The following HSP90AA1 variants were observed in gnomAD, a reference collection of about 807,000 sequenced individuals.
The protein encoded by HSP90AA1 is heat shock protein HSP 90-alpha.
A neutral mutation model predicts 73.3 loss-of-function variants in HSP90AA1; 18 were observed. The observed-to-expected ratio is 0.25, with a 90% CI of 0.17 to 0.36. The LOEUF is 0.36. Ranked by LOEUF, HSP90AA1 falls within the 10% of genes least tolerant of loss-of-function variation. The pLI is 1.00. For missense variants in HSP90AA1, 704 were observed against 874.2 expected (o/e 0.81, Z 2.45); for synonymous variants, 477 against 296.9 (o/e 1.61, Z -6.24).
In HSP90AA1 at chr14:102,104,793, C is replaced by CT. The variant is rs567616781; in HGVS notation, c.156-2709dup. ...ATAACCATCATTCTACTCTCTACCT[C>CT]TTTTTTAGCTCTCACATATGAGTGA... On this transcript the variant is annotated intron_variant, in intron 1 of 11. Coordinates refer to the HSP90AA1 transcript ENST00000334701. Among the ~76,000 whole-genome samples the CT allele has an allele frequency of 3.8e-3, 584 of 152,100 alleles. 11 individuals are homozygous for CT. Among genetic ancestry groups the CT allele is most frequent in the Non-Finnish European group, 2.9e-3 (198 of 67,998 alleles).
At chr14:102,082,634 T>C (rs1203366986) in intron 9 of HSP90AA1, 190 bp from the exon 10 acceptor site, 2 of 616,336 alleles carry the variant, frequency 3.2e-6, no homozygotes, top group East Asian at 2.8e-5. Context: ...CACAATTTTT[T>C]TTTTGAGATA....
chr14:102,126,529 T>C (rs1178746442), intron 1 of HSP90AA1, among the ~76,000 whole-genome samples: 2 of 152,118 alleles, frequency 1.3e-5, no homozygotes, highest in Non-Finnish European at 1.5e-5. Context: ...TAGATTCTTT[T>C]TTTTTTTCTT....
At chr14:102,132,435 T>G (rs1034811368) in intron 1 of HSP90AA1, among the ~76,000 whole-genome samples, 2 of 152,088 alleles carry the variant, frequency 1.3e-5, no homozygotes, top group Non-Finnish European at 2.9e-5. Flanking sequence ...TAGTCCCAGC[T>G]ACTCAGGAGG....
At chr14:102,106,719 T>C (rs982430649) in intron 1 of HSP90AA1, among the ~76,000 whole-genome samples, 1 of 151,982 alleles carries the variant, frequency 6.6e-6, no homozygotes, top group African/African-American at 2.4e-5. Context: ...GAGTTTTGTA[T>C]TTTTAGTAAA....
At chr14:102,132,988 G>A (rs1390724242) in intron 1 of HSP90AA1, among the ~76,000 whole-genome samples, 17 of 148,614 alleles carry the variant, frequency 1.1e-4, no homozygotes, top group East Asian at 8.2e-4. Context: ...GGGAGCCGGC[G>A]GTGGGGGCGG....
At chr14:102,084,209 G>T (rs1415023360) in intron 6 of HSP90AA1, 190 bp downstream of exon 6, 2 of 678,564 alleles carry the variant, frequency 2.9e-6, no homozygotes, top group East Asian at 2.7e-5. Context: ...ACTACATGGG[G>T]CTAATTTTTG....
chr14:102,083,543 T>C lies in HSP90AA1; in HGVS notation c.1486+3A>G, dbSNP rs770713637. 9 of 1,613,356 alleles carry C rather than the reference T, an allele frequency of 5.6e-6. No homozygotes were observed. The highest frequency in any genetic ancestry group is 4.5e-5 in the East Asian group (2 of 44,872). ...GTATGACTGTAACATAGTGTTCTCTTACCTGTGATATAATAGATATGTTTC... is the reference window on the plus strand; with the variant it reads ...GTATGACTGTAACATAGTGTTCTCTCACCTGTGATATAATAGATATGTTTC... On this transcript the variant is annotated splice_donor_region_variant and intron_variant, in intron 8 of 10. Coordinates refer to ENST00000216281, the MANE Select transcript of HSP90AA1 (RefSeq NM_005348.4).
chr14:102,086,999 C>G lies in HSP90AA1; in HGVS notation c.-14G>C, dbSNP rs2049258798. 1 of 985,194 alleles carries G rather than the reference C, an allele frequency of 1.0e-6. No homozygotes were observed. The highest frequency in any genetic ancestry group is 1.2e-6 in the Non-Finnish European group (1 of 829,998). 61.0% of individuals were successfully genotyped at this position (985,194 alleles called of 1,614,324 possible). A position where few individuals can be genotyped will look rare whatever the true frequency, so the allele number is the denominator to read the frequency against. ...ACCACCCGTCACCTTGGCTAAGTGACCGCACAGGACCAACGGCACAGCCAC... is the reference window on the plus strand; with the variant it reads ...ACCACCCGTCACCTTGGCTAAGTGAGCGCACAGGACCAACGGCACAGCCAC... On this transcript the variant is annotated 5_prime_UTR_variant, in exon 1 of 11. Coordinates refer to ENST00000216281, the MANE Select transcript of HSP90AA1 (RefSeq NM_005348.4).
At chr14:102,083,389 T>TA in intron 8 of HSP90AA1, 87 bp from the exon 9 acceptor site, 1 of 1,496,842 alleles carries the variant, frequency 6.7e-7, no homozygotes, top group Non-Finnish European at 9.3e-7. Flanking sequence ...GCCAGATACC[T>TA]AGGCAGAACC....
At chr14:102,124,170 T>G (rs1210870726) in intron 1 of HSP90AA1, among the ~76,000 whole-genome samples, 2 of 151,390 alleles carry the variant, frequency 1.3e-5, no homozygotes, top group East Asian at 3.9e-4. Context: ...GTAGAGACAG[T>G]TATTGATGTT....
chr14:102,093,788 C>A (rs748540015), intron 2 of HSP90AA1, among the ~76,000 whole-genome samples: 1 of 152,048 alleles, frequency 6.6e-6, no homozygotes, highest in Non-Finnish European at 1.5e-5. Context: ...GCCTGGCCAA[C>A]GTGGTGAAAC....
At chr14:102,088,919 T>C (rs2049312503), upstream of HSP90AA1, among the ~76,000 whole-genome samples, 1 of 151,806 alleles carries the variant, frequency 6.6e-6, no homozygotes, top group Non-Finnish European at 1.5e-5. Flanking sequence ...TTTTTTTTTT[T>C]TTTTAGACAA....
chr14:102,110,673 G>A (rs548678015), intron 1 of HSP90AA1, among the ~76,000 whole-genome samples: 58 of 151,494 alleles, frequency 3.8e-4, no homozygotes, highest in African/African-American at 1.3e-3. Context: ...TCCGCCTCCC[G>A]GGTTCACGCC....
intron 1 of HSP90AA1, among the ~76,000 whole-genome samples, chr14:102,137,428 C>T (rs923842415): frequency 6.6e-6 from 1 of 151,730 alleles, no homozygotes; most frequent in African/African-American, 2.4e-5. Context: ...CGGGTTCAAG[C>T]AATTCTCTTG....
At chr14:102,102,745 A>G (rs540199849) in intron 1 of HSP90AA1, among the ~76,000 whole-genome samples, 22 of 152,324 alleles carry the variant, frequency 1.4e-4, no homozygotes, top group Admixed American at 1.2e-3. Flanking sequence ...AGTACATAAT[A>G]AGCACTCAAG....
intron 9 of HSP90AA1, 184 bp from the exon 10 acceptor site, chr14:102,082,628 ATTTT>A: frequency 1.8e-6 from 1 of 566,604 alleles, no homozygotes. Flanking sequence ...TACATGCACA[ATTTT>A]TTTTTTGAGA....
At chr14:102,120,030 A>C (rs983240014) in intron 1 of HSP90AA1, among the ~76,000 whole-genome samples, 8 of 152,162 alleles carry the variant, frequency 5.3e-5, no homozygotes, top group African/African-American at 1.9e-4. Context: ...TATGTTATTA[A>C]ATCAAGTTAA....
intron 2 of HSP90AA1, among the ~76,000 whole-genome samples, chr14:102,099,292 C>T (rs2049463832): frequency 1.3e-5 from 2 of 152,080 alleles, no homozygotes; most frequent in African/African-American, 4.8e-5. Context: ...GGCACGGTGG[C>T]TCAAGCCTGT....
In HSP90AA1 at chr14:102,083,575, T is replaced by C. The variant is rs756563266; in HGVS notation, c.1457A>G (p.Glu486Gly). ...GATATAATAGATATGTTTCTGGTTCTCCTTCATTCTGGTGCAGTAGTCCTT... is the reference window on the plus strand; with the variant it reads ...GATATAATAGATATGTTTCTGGTTCCCCTTCATTCTGGTGCAGTAGTCCTT... The part of the protein sequence containing the change: ...SLKDYCTRMK[E>G]NQKHIYYITG... Residue 486 changes from glutamate (E) to glycine (G), a missense_variant, in exon 8 of 11, where the codon GAG becomes GGG. Transcript: ENST00000216281. 3.7e-6 allele frequency: 6 copies of C among 1,613,906 alleles called. No individual in the cohort carries two copies. The highest frequency in any genetic ancestry group is 1.7e-6 in the Non-Finnish European group (2 of 1,179,848).
Sources: gnomAD v4.1 joint callset for allele counts (sites outside exome capture counted in the v4.1 genomes callset) on GRCh38, gnomAD v4.1.1 for gene constraint, MANE v1.5 for transcripts, NCBI Gene and HGNC (gene_info 2026-07-23, HGNC 2026-07-21) for gene names.